Variants in AFF2 observed in about 807,000 individuals in gnomAD.
AFF2 encodes AF4/FMR2 family member 2.
AFF2 carries 14 observed loss-of-function variants against 76.9 expected under a neutral mutation model. The ratio of observed to expected loss-of-function variants is 0.18; its 90% CI spans 0.12 to 0.28. The LOEUF is 0.28. Ranked by LOEUF, AFF2 falls within the 10% of genes least tolerant of loss-of-function variation. AFF2 has a pLI of 1.00. For synonymous variants in AFF2, 398 were observed against 366.7 expected (o/e 1.09, Z -0.98); for missense variants, 868 against 1,001.1 (o/e 0.87, Z 1.79).
intron 3 of AFF2, among the ~76,000 whole-genome samples, chrX:148,787,350 G>A (rs1016521093): frequency 8.1e-5 from 9 of 111,393 alleles, no homozygotes; most frequent in East Asian, 2.8e-4. Context: ...GTATACATAC[G>A]TTTATTTGGA....
At chrX:148,549,702 T>C (rs1603239240) in intron 1 of AFF2, among the ~76,000 whole-genome samples, 3 of 111,692 alleles carry the variant, frequency 2.7e-5, no homozygotes, top group African/African-American at 9.8e-5. Context: ...CATTAGTGCA[T>C]AAAGAAAACC....
chrX:148,655,753 G>A (rs2054245485), intron 2 of AFF2, among the ~76,000 whole-genome samples: 1 of 111,492 alleles, frequency 9.0e-6, no homozygotes, highest in Admixed American at 9.5e-5. Context: ...AACTGATGTT[G>A]CACCTCCATA....
intron 1 of AFF2, among the ~76,000 whole-genome samples, chrX:148,514,539 C>A (rs782198362): frequency 8.9e-6 from 1 of 112,398 alleles, no homozygotes; most frequent in African/African-American, 3.2e-5. Context: ...TGGTGTTGAC[C>A]GTTGGAGGCA....
In AFF2 at chrX:149,000,079, A is replaced by C. The variant is rs182791112; in HGVS notation, c.*8747A>C. ...AGCCTGCCTGGCTCCTATGAAGAAA[A>C]CTTCCTGACGTCCTGTCCCCAAAGG... On this transcript the variant is annotated 3_prime_UTR_variant, in exon 21 of 21. Coordinates refer to ENST00000370460, the MANE Select transcript of AFF2 (RefSeq NM_002025.4). The C allele has an allele frequency of 9.0e-6, 1 of 111,623 alleles. No individual in the cohort carries two copies. The highest frequency in any genetic ancestry group is 9.5e-5 in the Admixed American group (1 of 10,573). The allele number at this position is 111,623 out of a possible 1,213,427, so 9.2% of individuals were successfully genotyped here.
chrX:148,776,846 G>A (rs782495596), intron 3 of AFF2, among the ~76,000 whole-genome samples: 23 of 111,915 alleles, frequency 2.1e-4, no homozygotes, highest in Non-Finnish European at 3.6e-4. Context: ...CTGTGCAGAA[G>A]CTTTTTAGTT....
chrX:148,553,483 T>C (rs1244450411), intron 1 of AFF2, among the ~76,000 whole-genome samples: 2 of 112,056 alleles, frequency 1.8e-5, no homozygotes, highest in African/African-American at 3.2e-5. Flanking sequence ...TTCATTCAGA[T>C]GCCAATATTA....
chrX:148,673,842 C>T (rs2054450926), intron 3 of AFF2, among the ~76,000 whole-genome samples: 2 of 112,028 alleles, frequency 1.8e-5, no homozygotes, highest in African/African-American at 6.5e-5. Flanking sequence ...TTGACTGCGA[C>T]TATGAGAAAG....
intron 1 of AFF2, among the ~76,000 whole-genome samples, chrX:148,544,804 G>C (rs1273878412): frequency 9.0e-6 from 1 of 111,584 alleles, no homozygotes; most frequent in Non-Finnish European, 1.9e-5. Flanking sequence ...ACTGTGTTAC[G>C]ATCACCACAG....
At chrX:148,738,160 C>T (rs1176389132) in intron 3 of AFF2, among the ~76,000 whole-genome samples, 2 of 111,192 alleles carry the variant, frequency 1.8e-5, no homozygotes, top group East Asian at 2.8e-4. Context: ...TTCTTTCTTT[C>T]TCTATCTTGT....
chrX:148,553,798 A>G (rs1249459313), intron 1 of AFF2, among the ~76,000 whole-genome samples: 7 of 112,284 alleles, frequency 6.2e-5, no homozygotes, highest in South Asian at 3.7e-4. Flanking sequence ...GAATTTGCCA[A>G]TGAAGGACAA....
intron 3 of AFF2, among the ~76,000 whole-genome samples, chrX:148,745,210 C>T (rs2055406151): frequency 1.8e-5 from 2 of 111,815 alleles, no homozygotes; most frequent in African/African-American, 6.5e-5. Context: ...GTCATTTCCT[C>T]AATGTGGTTT....
intron 9 of AFF2, among the ~76,000 whole-genome samples, chrX:148,917,421 A>G (rs1557282733): frequency 2.7e-5 from 3 of 112,626 alleles, no homozygotes; most frequent in Non-Finnish European, 5.6e-5. Context: ...TGAAGTTAAC[A>G]GTTGAAAACA....
At chrX:148,864,058 G>T (rs910159925) in intron 7 of AFF2, among the ~76,000 whole-genome samples, 4 of 111,301 alleles carry the variant, frequency 3.6e-5, no homozygotes, top group African/African-American at 1.3e-4. Flanking sequence ...GTGGCACTGC[G>T]TGTTCATTGG....
At chrX:148,738,936 C>T (rs181202483) in intron 3 of AFF2, among the ~76,000 whole-genome samples, 4 of 111,878 alleles carry the variant, frequency 3.6e-5, no homozygotes, top group African/African-American at 1.3e-4. Context: ...TTTGAAGGTT[C>T]CTTTTGGAGT....
At chrX:148,869,499 T>G (rs2070946333) in intron 7 of AFF2, among the ~76,000 whole-genome samples, 1 of 112,410 alleles carries the variant, frequency 8.9e-6, no homozygotes, top group Non-Finnish European at 1.9e-5. Context: ...CAGTTTTAGC[T>G]TTCTTAGGCT....
intron 1 of AFF2, among the ~76,000 whole-genome samples, chrX:148,583,842 G>C (rs1218707542): frequency 1.8e-5 from 2 of 111,326 alleles, no homozygotes; most frequent in African/African-American, 3.3e-5. Flanking sequence ...ACACGGAAAA[G>C]TACTTTCAGA....
At chrX:148,508,059 T>G (rs1557232701) in intron 1 of AFF2, among the ~76,000 whole-genome samples, 1 of 112,674 alleles carries the variant, frequency 8.9e-6, no homozygotes, top group Non-Finnish European at 1.9e-5. Flanking sequence ...AAGCCACACT[T>G]TGAGGATTAA....
intron 3 of AFF2, among the ~76,000 whole-genome samples, chrX:148,724,736 A>G (rs1377419648): frequency 2.7e-5 from 3 of 112,350 alleles, no homozygotes; most frequent in Non-Finnish European, 3.8e-5. Context: ...AAAGAATACT[A>G]TTACTTTCAT....
At chrX:148,633,445 A>G (rs1557253310) in intron 1 of AFF2, among the ~76,000 whole-genome samples, 1 of 112,309 alleles carries the variant, frequency 8.9e-6, no homozygotes, top group African/African-American at 3.2e-5. Flanking sequence ...GTGCATATGC[A>G]TGTGCACACA....
Sources: gnomAD v4.1 joint callset for allele counts (sites outside exome capture counted in the v4.1 genomes callset) on GRCh38, gnomAD v4.1.1 for gene constraint, MANE v1.5 for transcripts, NCBI Gene and HGNC (gene_info 2026-07-23, HGNC 2026-07-21) for gene names.